Variants in RPS6KA6 observed in about 807,000 individuals in gnomAD.
RPS6KA6 encodes the protein ribosomal protein S6 kinase alpha-6.
A neutral mutation model predicts 65.4 loss-of-function variants in RPS6KA6; 27 were observed. That is an observed-to-expected ratio of 0.41 (90% confidence interval 0.30 to 0.57). The LOEUF (loss-of-function observed/expected upper bound fraction) is 0.57, where lower values mean the gene tolerates loss of function less well. RPS6KA6 is among the 20% of genes least tolerant of loss of function. RPS6KA6 has a pLI of 0.24. For missense variants in RPS6KA6, 486 were observed against 555.6 expected, an observed-to-expected ratio of 0.87 and a Z score of 1.26; for synonymous variants, 190 against 184.2, an observed-to-expected ratio of 1.03 and a Z score of -0.26.
intron 20 of RPS6KA6, among the ~76,000 whole-genome samples, chrX:84,075,012 A>G (rs895360173): frequency 8.9e-6 from 1 of 111,885 alleles, no homozygotes; most frequent in Non-Finnish European, 1.9e-5. Flanking sequence ...AGGCGGGTGG[A>G]TCATGAGGTC....
chrX:84,137,424 C>A (rs898559222), intron 6 of RPS6KA6, among the ~76,000 whole-genome samples: 1 of 111,730 alleles, frequency 9.0e-6, no homozygotes, highest in East Asian at 2.8e-4. Context: ...TGCATATGTA[C>A]ATCTTACTGA....
At chrX:84,066,216 T>G (rs1179281848) in intron 20 of RPS6KA6, among the ~76,000 whole-genome samples, 1 of 108,669 alleles carries the variant, frequency 9.2e-6, no homozygotes, top group East Asian at 2.9e-4. Flanking sequence ...GTTTTTTTTT[T>G]TTTTTTCGTA....
chrX:84,185,442 T>C (rs1569248604), intron 1 of RPS6KA6, among the ~76,000 whole-genome samples: 1 of 111,868 alleles, frequency 8.9e-6, no homozygotes, highest in Non-Finnish European at 1.9e-5. Context: ...TATTATGTAC[T>C]GATCTAAAAA....
chrX:84,111,399 C>G (rs1388227531), intron 12 of RPS6KA6, among the ~76,000 whole-genome samples: 1 of 110,973 alleles, frequency 9.0e-6, no homozygotes, highest in African/African-American at 3.3e-5. Context: ...CCAGACTATC[C>G]AAGTTCAATG....
chrX:84,145,632 T>C (rs1602456568), intron 5 of RPS6KA6, 75 bp from the exon 6 acceptor site: 1 of 537,954 alleles, frequency 1.9e-6, no homozygotes. Flanking sequence ...TAAATTAATA[T>C]ATGTTTAGAA....
At chrX:84,173,875 A>G (rs1243163649) in intron 1 of RPS6KA6, among the ~76,000 whole-genome samples, 1 of 111,806 alleles carries the variant, frequency 8.9e-6, no homozygotes, top group Non-Finnish European at 1.9e-5. Context: ...CACTTTTAAA[A>G]TTATGATAGG....
intron 20 of RPS6KA6, among the ~76,000 whole-genome samples, chrX:84,083,171 T>C (rs1274924445): frequency 8.9e-6 from 1 of 112,513 alleles, no homozygotes; most frequent in Non-Finnish European, 1.9e-5. Flanking sequence ...ACCTACAGAA[T>C]GGGAGAAAAT....
chrX:84,089,067 C>A (rs185184543), intron 20 of RPS6KA6, among the ~76,000 whole-genome samples: 310 of 108,910 alleles, frequency 2.8e-3, no homozygotes, highest in African/African-American at 9.7e-3. Context: ...AAATTTCTCT[C>A]TATATAACCC....
At chrX:84,103,048 C>T (rs1389972979) in intron 17 of RPS6KA6, among the ~76,000 whole-genome samples, 5 of 111,027 alleles carry the variant, frequency 4.5e-5, no homozygotes, top group African/African-American at 1.6e-4. Flanking sequence ...AAGAAAATTA[C>T]CCACTTAAAC....
intron 1 of RPS6KA6, among the ~76,000 whole-genome samples, chrX:84,183,812 C>T (rs1026893359): frequency 1.8e-5 from 2 of 109,876 alleles, no homozygotes; most frequent in South Asian, 7.8e-4. Flanking sequence ...ACCACCACCA[C>T]CCCCACCACC....
At chrX:84,178,263 A>G (rs909035014) in intron 1 of RPS6KA6, among the ~76,000 whole-genome samples, 1 of 111,662 alleles carries the variant, frequency 9.0e-6, no homozygotes, top group South Asian at 3.7e-4. Flanking sequence ...CTAACAGGTC[A>G]CAAACTGCTA....
chrX:84,119,886 A>G lies in RPS6KA6; in HGVS notation c.788T>C (p.Met263Thr). The G allele has an allele frequency of 8.6e-7, 1 of 1,168,760 alleles. No homozygotes were observed. The highest frequency in any genetic ancestry group is 3.1e-5 in the East Asian group (1 of 32,782). The stretch of plus-strand genomic sequence containing the variant: ...ATTAAAACAAATAATGCTACTTACC[A>G]TAAGAACACCATATGACCACCAATC... Reference protein sequence around the residue: ...SADWWSYGVLMFEMLTGTLPF... With the variant: ...SADWWSYGVLTFEMLTGTLPF... Residue 263 changes from methionine to threonine, a missense_variant and splice_region_variant, in exon 9 of 22, where the codon ATG (methionine) becomes ACG (threonine). Transcript: ENST00000262752.
At chrX:84,092,683 T>TA (rs906291601) in intron 20 of RPS6KA6, among the ~76,000 whole-genome samples, 16 of 108,279 alleles carry the variant, frequency 1.5e-4, no homozygotes, top group Admixed American at 1.1e-3. Context: ...ATCAAAAAAA[T>TA]AAAAAAATAA....
intron 20 of RPS6KA6, among the ~76,000 whole-genome samples, chrX:84,095,353 T>C (rs761305158): frequency 1.8e-5 from 2 of 111,948 alleles, no homozygotes; most frequent in Non-Finnish European, 3.8e-5. Flanking sequence ...TGACAAGTGA[T>C]AGTTTTCATT....
At chrX:84,133,068 CTT>C (rs1569401553) in intron 8 of RPS6KA6, among the ~76,000 whole-genome samples, 2 of 112,174 alleles carry the variant, frequency 1.8e-5, no homozygotes, top group East Asian at 2.8e-4. Flanking sequence ...TAAAAGAACT[CTT>C]AAACCCATTT....
intron 5 of RPS6KA6, among the ~76,000 whole-genome samples, chrX:84,146,059 A>G (rs748396180): frequency 3.6e-5 from 4 of 111,368 alleles, no homozygotes; most frequent in Non-Finnish European, 5.7e-5. Context: ...ATTTCTTTAC[A>G]TCTCTGTGTT....
At position 84,148,121 on chromosome X, in the gene RPS6KA6, A is replaced by C. The variant is rs779321218; in HGVS notation, c.261T>G (p.Val87=). 49 of 1,145,654 alleles carry C rather than the reference A, an allele frequency of 4.3e-5. No individual in the cohort carries two copies. Among genetic ancestry groups the C allele is most frequent in the Non-Finnish European group, 5.8e-5 (49 of 848,854 alleles). The allele number at this position is 1,145,654 out of a possible 1,213,427, so 94.4% of individuals were successfully genotyped here. ...GACCGGTCTTCTTTCTAACAAGAAA[A>C]ACCTAATAGAAAATTGAACAAAAAA... ...KVLGQGSFGK[V]FLVRKKTGPD... The change falls in exon 4 of 22, where the codon GTT becomes GTG. Residue 87 remains valine, a splice_region_variant and synonymous_variant. Coordinates refer to ENST00000262752, the MANE Select transcript of RPS6KA6 (RefSeq NM_014496.5).
chrX:84,106,795 C>A, intron 14 of RPS6KA6, 115 bp downstream of exon 14: 1 of 588,945 alleles, frequency 1.7e-6, no homozygotes, highest in Admixed American at 4.4e-5. Flanking sequence ...TGATTTATAC[C>A]AATAGATAAA....
At chrX:84,123,046 C>T (rs1210386345) in intron 8 of RPS6KA6, among the ~76,000 whole-genome samples, 1 of 112,057 alleles carries the variant, frequency 8.9e-6, no homozygotes, top group African/African-American at 3.2e-5. Context: ...GTGAGGTTCC[C>T]ATTCCAGGCC....
Sources: allele counts gnomAD v4.1 joint callset (sites outside exome capture counted in the v4.1 genomes callset), GRCh38; gene constraint gnomAD v4.1.1; transcripts MANE v1.5; gene names NCBI Gene and HGNC (gene_info 2026-07-23, HGNC 2026-07-21).